The following KALRN variants were observed in gnomAD, a reference collection of about 807,000 sequenced individuals.
The protein encoded by KALRN is kalirin.
KALRN carries 70 observed loss-of-function variants against 353.7 expected under a neutral mutation model. The observed-to-expected ratio is 0.20, with a 90% CI of 0.16 to 0.24. The LOEUF is 0.24. Ranked by LOEUF, KALRN falls within the 10% of genes least tolerant of loss-of-function variation. KALRN has a pLI of 1.00. For synonymous variants in KALRN, 1,391 were observed against 1,434.8 expected, an observed-to-expected ratio of 0.97 and a Z score of 0.69; for missense variants, 2,791 against 3,756.7, an observed-to-expected ratio of 0.74 and a Z score of 6.72.
At chr3:124,349,648 T>G (rs1253826929) in intron 10 of KALRN, among the ~76,000 whole-genome samples, 2 of 152,150 alleles carry the variant, frequency 1.3e-5, no homozygotes, top group African/African-American at 4.8e-5. Context: ...GTGAATGTAC[T>G]TAATACCACT....
intron 33 of KALRN, among the ~76,000 whole-genome samples, chr3:124,533,131 G>A (rs1029318660): frequency 1.3e-5 from 2 of 151,650 alleles, no homozygotes; most frequent in Non-Finnish European, 2.9e-5. Flanking sequence ...GCTCATGCCT[G>A]TAATCCCAAC....
intron 1 of KALRN, among the ~76,000 whole-genome samples, chr3:124,187,131 A>G (rs2074331078): frequency 6.6e-6 from 1 of 152,132 alleles, no homozygotes; most frequent in South Asian, 2.1e-4. Flanking sequence ...CCCAGGCTGG[A>G]GTGCAGTGGC....
At chr3:124,047,129 A>C (rs2040550374) in intron 1 of KALRN, among the ~76,000 whole-genome samples, 1 of 152,154 alleles carries the variant, frequency 6.6e-6, no homozygotes. Context: ...CATAATTCAC[A>C]GGCGCTGGAA....
Position 124,270,946 on chromosome 3 carries a change from C to T in KALRN, c.969+1691C>T, listed in dbSNP as rs568665278. ...CCGGGTTCACGCCATTCTCCTGCCT[C>T]AGCCTCCTGAGTAGCTGGGATTACA... On this transcript the variant is annotated intron_variant, in intron 5 of 59. Transcript: ENST00000682506. Among the ~76,000 whole-genome samples the T allele has an allele frequency of 1.3e-3, 199 of 151,698 alleles. 2 individuals carry two copies. The Middle Eastern group carries it at 0.021, about 16-fold the overall frequency.
intron 8 of KALRN, among the ~76,000 whole-genome samples, chr3:124,331,117 A>G (rs1021743698): frequency 2.6e-4 from 39 of 152,350 alleles, no homozygotes; most frequent in African/African-American, 9.1e-4. Flanking sequence ...CTGTGAAATC[A>G]AAGTAGTAAC....
chr3:124,605,994 T>C (rs1462171535), intron 34 of KALRN, among the ~76,000 whole-genome samples: 1 of 152,166 alleles, frequency 6.6e-6, no homozygotes, highest in Admixed American at 6.5e-5. Context: ...AAAACCTACT[T>C]CTGATTAACC....
chr3:124,369,636 G>A (rs1049852843), intron 10 of KALRN, among the ~76,000 whole-genome samples: 10 of 152,118 alleles, frequency 6.6e-5, no homozygotes, highest in Non-Finnish European at 1.5e-4. Flanking sequence ...GATTTTTTAA[G>A]AATACATATA....
intron 34 of KALRN, among the ~76,000 whole-genome samples, chr3:124,618,679 C>CTA (rs2078932621): frequency 6.6e-6 from 1 of 152,088 alleles, no homozygotes; most frequent in Admixed American, 6.5e-5. Context: ...TAAGACATAC[C>CTA]ATGGACTCAG....
At chr3:124,585,171 C>T (rs1445522855) in intron 34 of KALRN, among the ~76,000 whole-genome samples, 1 of 152,228 alleles carries the variant, frequency 6.6e-6, no homozygotes, top group Non-Finnish European at 1.5e-5. Flanking sequence ...CTAGCAGCGA[C>T]TTTGGATGTC....
At chr3:124,429,547 A>G (rs2093178535) in intron 15 of KALRN, among the ~76,000 whole-genome samples, 1 of 152,174 alleles carries the variant, frequency 6.6e-6, no homozygotes, top group Admixed American at 6.5e-5. Context: ...TAATAAAGAA[A>G]GTGTTTGGCA....
At chr3:124,073,971 G>A (rs1215862789) in intron 1 of KALRN, among the ~76,000 whole-genome samples, 1 of 152,148 alleles carries the variant, frequency 6.6e-6, no homozygotes, top group Non-Finnish European at 1.5e-5. Context: ...GAGGGGAGAA[G>A]TTCTGTTGCC....
chr3:124,642,312 GA>G (rs2082127404), intron 37 of KALRN, among the ~76,000 whole-genome samples: 1 of 151,974 alleles, frequency 6.6e-6, no homozygotes, highest in Non-Finnish European at 1.5e-5. Flanking sequence ...AAAAGAGAGA[GA>G]GAGAGAGAGA....
chr3:124,117,543 T>C (rs1045701274), intron 1 of KALRN, among the ~76,000 whole-genome samples: 5 of 152,162 alleles, frequency 3.3e-5, no homozygotes, highest in South Asian at 2.1e-4. Flanking sequence ...ATCACTCAGC[T>C]GATCCTTTTA....
chr3:124,491,048 C>A (rs1330735168), intron 30 of KALRN, among the ~76,000 whole-genome samples, 164 bp downstream of exon 30: 1 of 151,984 alleles, frequency 6.6e-6, no homozygotes, highest in Non-Finnish European at 1.5e-5. Flanking sequence ...CACTCACCTC[C>A]CACGTCTGCA....
intron 1 of KALRN, among the ~76,000 whole-genome samples, chr3:124,149,770 A>G (rs1017056932): frequency 2.0e-5 from 3 of 152,240 alleles, no homozygotes; most frequent in Non-Finnish European, 2.9e-5. Flanking sequence ...ATAATAAGGC[A>G]TTATACAAAT....
chr3:124,392,373 A>G (rs1031294037), intron 11 of KALRN, among the ~76,000 whole-genome samples: 2 of 152,206 alleles, frequency 1.3e-5, no homozygotes, highest in East Asian at 1.9e-4. Flanking sequence ...ATATTTGTGT[A>G]TACACACATA....
chr3:124,228,150 A>G, intron 2 of KALRN, 86 bp downstream of exon 2: 2 of 1,091,968 alleles, frequency 1.8e-6, no homozygotes, highest in South Asian at 1.2e-5. Context: ...GTGTGTTAGT[A>G]GGGGAGAAGT....
intron 56 of KALRN, among the ~76,000 whole-genome samples, chr3:124,700,815 T>G (rs570530901): frequency 3.9e-5 from 6 of 152,042 alleles, no homozygotes; most frequent in African/African-American, 1.4e-4. Context: ...TCCAGAGGGG[T>G]TTGGGAAACC....
At chr3:124,106,973 C>T (rs1231899297) in intron 1 of KALRN, among the ~76,000 whole-genome samples, 1 of 152,152 alleles carries the variant, frequency 6.6e-6, no homozygotes, top group Non-Finnish European at 1.5e-5. Flanking sequence ...TCTATCCTTC[C>T]TTGTTATCAC....
Sources: allele counts gnomAD v4.1 joint callset (sites outside exome capture counted in the v4.1 genomes callset), GRCh38; gene constraint gnomAD v4.1.1; transcripts MANE v1.5; gene names NCBI Gene and HGNC (gene_info 2026-07-23, HGNC 2026-07-21).